The following DDX24 variants were observed in gnomAD, a reference collection of about 807,000 sequenced individuals.
DDX24 encodes the protein ATP-dependent RNA helicase DDX24.
In DDX24, 24 loss-of-function variants were observed where a neutral mutation model predicts 68.9. The observed-to-expected ratio is 0.35, with a 90% CI of 0.25 to 0.49. The LOEUF is 0.49. Ranked by LOEUF, DDX24 falls within the 20% of genes least tolerant of loss-of-function variation. The pLI is 0.99. For synonymous variants in DDX24, 395 were observed against 385.2 expected (o/e 1.03, Z -0.30); for missense variants, 989 against 1,039.0 (o/e 0.95, Z 0.66).
At chr14:94,051,652 A>G (rs1013590300) in intron 8 of DDX24, 190 bp from the exon 9 acceptor site, 2 of 607,152 alleles carry the variant, frequency 3.3e-6, no homozygotes, top group Non-Finnish European at 5.4e-6. Context: ...TTTGCAGGGG[A>G]TACACAGGAC....
intron 3 of DDX24, among the ~76,000 whole-genome samples, chr14:94,061,627 TGA>T (rs947916032): frequency 6.6e-6 from 1 of 152,188 alleles, no homozygotes; most frequent in Non-Finnish European, 1.5e-5. Flanking sequence ...GTGAATTCCC[TGA>T]GAGAATTAAA....
chr14:94,066,795 C>T (rs759750836), intron 2 of DDX24, among the ~76,000 whole-genome samples: 8 of 152,220 alleles, frequency 5.3e-5, no homozygotes, highest in Non-Finnish European at 1.0e-4. Context: ...GGGAGTACTA[C>T]ATCAAGGGAA....
In DDX24 at chr14:94,051,113, G is replaced by T; in HGVS notation, c.*78C>A. The T allele has an allele frequency of 6.8e-7, 1 of 1,469,998 alleles. No homozygotes were observed. The highest frequency in any genetic ancestry group is 1.5e-5 in the South Asian group (1 of 67,310). 91.1% of individuals were successfully genotyped at this position (1,469,998 alleles called of 1,614,324 possible). A position where few individuals can be genotyped will look rare whatever the true frequency, so the allele number is the denominator to read the frequency against. The stretch of plus-strand genomic sequence containing the variant: ...TTTTACCTGGGGTTGGTGGTGGAGT[G>T]AAACACAAGGGTGGGAGAGGTTTTG... On this transcript the variant is annotated 3_prime_UTR_variant, in exon 9 of 9. Transcript: ENST00000621632.
intron 7 of DDX24, among the ~76,000 whole-genome samples, 156 bp downstream of exon 7, chr14:94,054,840 T>G (rs1167699101): frequency 6.6e-6 from 1 of 152,194 alleles, no homozygotes; most frequent in Non-Finnish European, 1.5e-5. Flanking sequence ...CCCAGGTATG[T>G]TGCTCTCAAT....
chr14:94,049,829 A>C lies in DDX24; in HGVS notation c.*1362T>G, dbSNP rs1391263500. ...AGGACTGCCTGGGCCCAGGAGTGTGAGGTTGCAGTGAGCTGTGATTGTGCC... is the reference window on the plus strand; with the variant it reads ...AGGACTGCCTGGGCCCAGGAGTGTGCGGTTGCAGTGAGCTGTGATTGTGCC... On this transcript the variant is annotated 3_prime_UTR_variant, in exon 9 of 9. Transcript: ENST00000621632. The C allele has an allele frequency of 6.6e-6, 1 of 151,902 alleles. No homozygotes were observed. Among genetic ancestry groups the C allele is most frequent in the Non-Finnish European group, 1.5e-5 (1 of 68,030 alleles). 9.4% of individuals were successfully genotyped at this position (151,902 alleles called of 1,614,324 possible).
chr14:94,058,545 C>T (rs2141424412), intron 5 of DDX24, among the ~76,000 whole-genome samples: 1 of 152,286 alleles, frequency 6.6e-6, no homozygotes, highest in Non-Finnish European at 1.5e-5. Context: ...AGAGCAAGGA[C>T]TTTGCATTAC....
chr14:94,068,894 G>A (rs1422302673), intron 2 of DDX24, among the ~76,000 whole-genome samples: 3 of 152,036 alleles, frequency 2.0e-5, no homozygotes, highest in African/African-American at 4.8e-5. Flanking sequence ...AGCCCTAAAT[G>A]GCTACATCGA....
At position 94,048,596 on chromosome 14, in the gene DDX24, G is replaced by C. The variant is rs2141417407; in HGVS notation, c.*2595C>G. 6.6e-6 allele frequency: 1 copy of C among 152,326 alleles called. No individual in the cohort carries two copies. The highest frequency in any genetic ancestry group is 2.1e-4 in the South Asian group (1 of 4,828). 9.4% of individuals were successfully genotyped at this position (152,326 alleles called of 1,614,324 possible). ...GAATGAGATTCCTTGTGTGAAAATAGCTATTATACCTGACACACTCATCGT... is the reference window on the plus strand; with the variant it reads ...GAATGAGATTCCTTGTGTGAAAATACCTATTATACCTGACACACTCATCGT... On this transcript the variant is annotated 3_prime_UTR_variant, in exon 9 of 9. Coordinates refer to ENST00000621632, the MANE Select transcript of DDX24 (RefSeq NM_020414.4).
chr14:94,061,169 A>G, intron 3 of DDX24, 103 bp from the exon 4 acceptor site: 3 of 1,345,278 alleles, frequency 2.2e-6, no homozygotes, highest in Non-Finnish European at 3.1e-6. Flanking sequence ...ACATCAGCAC[A>G]GTGTAATGCC....
At position 94,067,349 on chromosome 14, in the gene DDX24, C is replaced by T. The variant is rs549085554; in HGVS notation, c.719-4728G>A. Among the ~76,000 whole-genome samples, 3 of 152,002 alleles carry T rather than the reference C, an allele frequency of 2.0e-5. No individual in the cohort carries two copies. The South Asian group carries it at 6.3e-4, about 32-fold the overall frequency. ...AGAAGTCTGGGATTATGTTAAATGACCAAACCTAATAATCGGTGTACCTGA... is the reference window on the plus strand; with the variant it reads ...AGAAGTCTGGGATTATGTTAAATGATCAAACCTAATAATCGGTGTACCTGA... On this transcript the variant is annotated intron_variant, in intron 2 of 8. Transcript: ENST00000621632.
At chr14:94,059,990 A>G (rs758077319) in intron 5 of DDX24, 108 bp downstream of exon 5, 143 of 1,345,744 alleles carry the variant, frequency 1.1e-4, no homozygotes, top group Non-Finnish European at 1.4e-4. Context: ...TACTGAGACA[A>G]GGCCCCTATG....
At chr14:94,080,242 G>A (rs1054199612) in intron 1 of DDX24, among the ~76,000 whole-genome samples, 1 of 152,128 alleles carries the variant, frequency 6.6e-6, no homozygotes, top group Non-Finnish European at 1.5e-5. Context: ...AGCGTACTGC[G>A]CTTGCTTCCT....
At chr14:94,069,285 G>A (rs1421592040) in intron 2 of DDX24, among the ~76,000 whole-genome samples, 1 of 151,580 alleles carries the variant, frequency 6.6e-6, no homozygotes, top group Non-Finnish European at 1.5e-5. Flanking sequence ...ATAAATTCCT[G>A]GAAAAAAAAC....
chr14:94,080,514 A>G (rs1429983941), intron 1 of DDX24, among the ~76,000 whole-genome samples: 1 of 152,098 alleles, frequency 6.6e-6, no homozygotes, highest in African/African-American at 2.4e-5. Flanking sequence ...CGGTGGACGT[A>G]TTAATCTCTG....
At chr14:94,058,563 T>C (rs1885532339) in intron 5 of DDX24, among the ~76,000 whole-genome samples, 1 of 152,248 alleles carries the variant, frequency 6.6e-6, no homozygotes, top group Admixed American at 6.5e-5. Context: ...TACTCACTGC[T>C]GTTATTACCA....
intron 6 of DDX24, chr14:94,056,653 C>CG (rs1885498022): frequency 6.6e-6 from 1 of 152,132 alleles, no homozygotes; most frequent in Non-Finnish European, 1.5e-5. Context: ...GAACCCAAAG[C>CG]GGGGGGTCAT....
intron 2 of DDX24, among the ~76,000 whole-genome samples, chr14:94,070,834 T>A (rs550348854): frequency 1.3e-5 from 2 of 152,262 alleles, no homozygotes; most frequent in Admixed American, 6.5e-5. Flanking sequence ...TGGATCCTCA[T>A]CTCTCACCTT....
chr14:94,064,898 T>C (rs1245022801), intron 2 of DDX24, among the ~76,000 whole-genome samples: 1 of 152,144 alleles, frequency 6.6e-6, no homozygotes, highest in Non-Finnish European at 1.5e-5. Flanking sequence ...ACTGAGCCCT[T>C]AACCTGTAAG....
rs761415669 is a variant in DDX24, at chr14:94,060,971, G to A, written c.1339C>T (p.Arg447Trp). ...RPEIVVATPG[R>W]LWELIKEKHY... ...TTTTCTTTAATTAATTCCCACAGCC[G>A]GCCTGGAGTAGCAACCACAATCTCA... The change falls in exon 4 of 9, where the codon CGG becomes TGG. Residue 447 changes from arginine (R) to tryptophan (W), a missense_variant. By Grantham distance (101) the Arg-to-Trp change is moderately radical. Around this residue, in one of 3 missense-constraint regions of DDX24, gnomAD observed 691 missense variants for 760.0 expected, o/e 0.91. Transcript: ENST00000621632. 2.0e-5 allele frequency: 33 copies of A among 1,614,032 alleles called. No individual in the cohort carries two copies. The highest frequency in any genetic ancestry group is 8.3e-5 in the Admixed American group (5 of 60,004).
Sources: gnomAD v4.1 joint callset for allele counts (sites outside exome capture counted in the v4.1 genomes callset) on GRCh38, gnomAD v4.1.1 for gene constraint, gnomAD v4.1.1 regional missense constraint, MANE v1.5 for transcripts, NCBI Gene and HGNC (gene_info 2026-07-23, HGNC 2026-07-21) for gene names.